PSMD1: variants seen among roughly 807,000 people sequenced by gnomAD.
The protein encoded by PSMD1 is 26S proteasome non-ATPase regulatory subunit 1.
In PSMD1, 18 loss-of-function variants were observed where a neutral mutation model predicts 119.0. The ratio of observed to expected loss-of-function variants is 0.15; its 90% CI spans 0.10 to 0.22. The LOEUF is 0.22. Ranked by LOEUF, PSMD1 falls within the 10% of genes least tolerant of loss-of-function variation. PSMD1 has a pLI of 1.00. For missense variants in PSMD1, 702 were observed against 1,158.5 expected (o/e 0.61, Z 5.72); for synonymous variants, 374 against 396.6 (o/e 0.94, Z 0.68).
intron 18 of PSMD1, among the ~76,000 whole-genome samples, chr2:231,153,159 G>A (rs958293985): frequency 6.6e-6 from 1 of 152,208 alleles, no homozygotes; most frequent in Admixed American, 6.5e-5. Flanking sequence ...TTACTTTAAG[G>A]TGGAACTGAA....
In PSMD1 at chr2:231,080,121, G is replaced by T. The variant is rs1372687461; in HGVS notation, c.1240-20G>T. 6.3e-7 allele frequency: 1 copy of T among 1,577,830 alleles called. No individual in the cohort carries two copies. Among genetic ancestry groups the T allele is most frequent in the South Asian group, 1.2e-5 (1 of 85,252 alleles). Reference sequence around the variant, plus strand: ...CTTACTTTCTCTTTTTGATGTCTTTGTTATGACTTACCTTTACAGGGTCAT... The same window carrying T: ...CTTACTTTCTCTTTTTGATGTCTTTTTTATGACTTACCTTTACAGGGTCAT... On this transcript the variant is annotated intron_variant, in intron 11 of 24. Transcript: ENST00000308696.
intron 7 of PSMD1, among the ~76,000 whole-genome samples, chr2:231,073,431 C>T (rs1459682591): frequency 1.3e-5 from 2 of 152,122 alleles, no homozygotes; most frequent in Non-Finnish European, 2.9e-5. Flanking sequence ...ATTACTAAAA[C>T]TATGCTAAGT....
intron 17 of PSMD1, among the ~76,000 whole-genome samples, chr2:231,141,457 C>A (rs1208647554): frequency 7.2e-6 from 1 of 138,844 alleles, no homozygotes; most frequent in Non-Finnish European, 1.5e-5. Context: ...GTGTCTCACT[C>A]TTGTCACTGT....
intron 7 of PSMD1, among the ~76,000 whole-genome samples, chr2:231,074,877 A>G (rs924158740): frequency 3.9e-5 from 6 of 152,056 alleles, no homozygotes; most frequent in Non-Finnish European, 8.8e-5. Context: ...TGCCCAGGCT[A>G]GGGTGCAGTG....
At chr2:231,114,995 C>T (rs1415842815) in intron 16 of PSMD1, among the ~76,000 whole-genome samples, 2 of 152,000 alleles carry the variant, frequency 1.3e-5, no homozygotes, top group East Asian at 3.9e-4. Flanking sequence ...GTTATATGTC[C>T]ACTGATAAAA....
At chr2:231,108,487 CATT>C (rs1695030763) in intron 16 of PSMD1, 2 of 1,544,608 alleles carry the variant, frequency 1.3e-6, no homozygotes, top group Non-Finnish European at 1.8e-6. Context: ...TCTTACTCAT[CATT>C]ATGTTTGATG....
At chr2:231,169,360 T>A (rs1318678413) in intron 23 of PSMD1, among the ~76,000 whole-genome samples, 1 of 152,182 alleles carries the variant, frequency 6.6e-6, no homozygotes, top group African/African-American at 2.4e-5. Flanking sequence ...AAGTAAACTT[T>A]TAGGCTATGG....
intron 8 of PSMD1, among the ~76,000 whole-genome samples, chr2:231,076,178 AT>A (rs1363406459): frequency 6.6e-6 from 1 of 152,190 alleles, no homozygotes; most frequent in Admixed American, 6.5e-5. Flanking sequence ...AAAAAAAGGT[AT>A]GGTCTCTAGC....
chr2:231,120,801 AACC>A (rs1695514957), intron 16 of PSMD1, among the ~76,000 whole-genome samples: 1 of 152,212 alleles, frequency 6.6e-6, no homozygotes, highest in Non-Finnish European at 1.5e-5. Flanking sequence ...TTTATCATAG[AACC>A]AAGAACGCTT....
chr2:231,057,077 AGCC>A (rs1217600140), intron 1 of PSMD1, 36 bp downstream of exon 1: 1 of 1,487,868 alleles, frequency 6.7e-7, no homozygotes. Flanking sequence ...TGGAGGGAGG[AGCC>A]GCCGCCGCGC....
At position 231,139,558 on chromosome 2, in the gene PSMD1, T is replaced by TAAAAA. The variant is rs35924284; in HGVS notation, c.1998+721_1998+725dup. On this transcript the variant is annotated intron_variant, in intron 17 of 24. Transcript: ENST00000308696. ...CACTGTGCCTGGCCCATTGATTTCT[T>TAAAAA]AAAAAAAAAAAAAAAAAGAAGAAGA... Among the ~76,000 whole-genome samples, 10 of 114,312 alleles carry TAAAAA rather than the reference T, an allele frequency of 8.7e-5. No individual in the cohort carries two copies. In the South Asian group the frequency reaches 9.0e-4, roughly 10 times the overall value. The allele number at this position is 114,312 out of a possible 152,430, so 75.0% of individuals were successfully genotyped here.
chr2:231,103,876 T>C (rs1694924443), intron 16 of PSMD1, among the ~76,000 whole-genome samples: 1 of 152,202 alleles, frequency 6.6e-6, no homozygotes, highest in Non-Finnish European at 1.5e-5. Context: ...GTAGCCAAGC[T>C]GTGACCCTAA....
intron 16 of PSMD1, among the ~76,000 whole-genome samples, chr2:231,107,646 G>A (rs1274699872): frequency 6.6e-6 from 1 of 152,166 alleles, no homozygotes; most frequent in African/African-American, 2.4e-5. Flanking sequence ...ATCTAACAGT[G>A]CAAAATAATA....
At chr2:231,072,521 A>G (rs542274583) in intron 7 of PSMD1, 106 bp downstream of exon 7, 7 of 1,013,062 alleles carry the variant, frequency 6.9e-6, no homozygotes, top group African/African-American at 3.2e-5. Flanking sequence ...AAATTTTGCC[A>G]CTAGCTTTCA....
intron 10 of PSMD1, among the ~76,000 whole-genome samples, chr2:231,079,047 G>A (rs1311475700): frequency 4.6e-5 from 7 of 151,934 alleles, no homozygotes; most frequent in Non-Finnish European, 8.8e-5. Context: ...TGCCCACCTC[G>A]GCCTCCCAAA....
At chr2:231,067,987 C>A (rs1693947603) in intron 5 of PSMD1, among the ~76,000 whole-genome samples, 1 of 152,132 alleles carries the variant, frequency 6.6e-6, no homozygotes, top group African/African-American at 2.4e-5. Flanking sequence ...CTTTATTTCT[C>A]CTCACAATCC....
Position 231,068,448 on chromosome 2 carries a change from T to C in PSMD1, c.510+1337T>C, listed in dbSNP as rs1693958689. Among the ~76,000 whole-genome samples the C allele has an allele frequency of 2.0e-5, 3 of 152,244 alleles. No individual in the cohort carries two copies. The South Asian group carries it at 6.2e-4, about 31-fold the overall frequency. On this transcript the variant is annotated intron_variant, in intron 5 of 24. Transcript: ENST00000308696. ...TCAGTGCTTACTGTTTGCCAGATAC[T>C]GTTCTAGGCATTGGAGATGTGCATT...
In PSMD1 at chr2:231,066,924, A is replaced by G; in HGVS notation, c.323A>G (p.Tyr108Cys). 1.2e-6 allele frequency: 2 copies of G among 1,609,560 alleles called. No homozygotes were observed. The highest frequency in any genetic ancestry group is 1.1e-5 in the South Asian group (1 of 90,180). Residue 108 changes from tyrosine (Y) to cysteine (C), a missense_variant, in exon 5 of 25, where the codon TAC becomes TGC. Tyr to Cys is a radical substitution (Grantham distance 194). This residue lies in a region of PSMD1 where 50 missense variants were observed against 41.8 expected (regional missense o/e 1.20). Coordinates refer to ENST00000308696, the MANE Select transcript of PSMD1 (RefSeq NM_002807.4). The stretch of plus-strand genomic sequence containing the variant: ...TCAACAGCAAAATGCATTGATCACT[A>G]CACCAAACAATGTGTGGAAAATGCA... ...ETIIAKCIDH[Y>C]TKQCVENADL...
intron 9 of PSMD1, 137 bp from the exon 10 acceptor site, chr2:231,078,522 C>T (rs1232466387): frequency 4.1e-6 from 2 of 482,404 alleles, no homozygotes; most frequent in Non-Finnish European, 7.0e-6. Flanking sequence ...AAAGAAATAC[C>T]CAAGATCCAT....
Sources: allele counts gnomAD v4.1 joint callset (sites outside exome capture counted in the v4.1 genomes callset), GRCh38; gene constraint gnomAD v4.1.1; regional missense constraint gnomAD v4.1.1; transcripts MANE v1.5; gene names NCBI Gene and HGNC (gene_info 2026-07-23, HGNC 2026-07-21).